Variants in CTNND2 observed in about 807,000 individuals in gnomAD.
CTNND2 encodes the protein catenin delta-2.
Under a neutral mutation model 144.4 loss-of-function variants are expected in CTNND2, and 22 were observed. The ratio of observed to expected loss-of-function variants is 0.15; its 90% confidence interval spans 0.11 to 0.22. The LOEUF is 0.22. Among genes scored for constraint, CTNND2 ranks in the 10% least tolerant of loss-of-function variants. The probability of loss-of-function intolerance (pLI) is 1.00; values close to 1 mark genes in which losing one functional copy is unlikely to be tolerated. For missense variants in CTNND2, 1,353 were observed against 1,618.8 expected (o/e 0.84, Z 2.82); for synonymous variants, 751 against 695.6 (o/e 1.08, Z -1.25).
chr5:11,864,798 C>A (rs113354244), intron 1 of CTNND2, among the ~76,000 whole-genome samples: 2,317 of 151,248 alleles, frequency 0.015, 54 homozygotes, highest in African/African-American at 0.051. Flanking sequence ...CCTCAGGTGG[C>A]AAAACTGTCT....
At chr5:11,383,435 A>T (rs1351558539) in intron 7 of CTNND2, among the ~76,000 whole-genome samples, 3 of 152,146 alleles carry the variant, frequency 2.0e-5, no homozygotes, top group Non-Finnish European at 2.9e-5. Flanking sequence ...AGATTTAGGT[A>T]CTCATACTGG....
At chr5:11,255,086 GT>G (rs553233796) in intron 9 of CTNND2, among the ~76,000 whole-genome samples, 8 of 152,132 alleles carry the variant, frequency 5.3e-5, no homozygotes, top group Non-Finnish European at 1.0e-4. Flanking sequence ...TCATCTATGA[GT>G]TTTTTTCCTA....
intron 2 of CTNND2, among the ~76,000 whole-genome samples, chr5:11,584,417 A>T (rs554670303): frequency 0.02 from 2,610 of 129,158 alleles, 69 homozygotes; most frequent in African/African-American, 0.066. Context: ...ATATATATAT[A>T]TTTTTTTTGG....
At chr5:11,257,230 G>A (rs1744346900) in intron 9 of CTNND2, among the ~76,000 whole-genome samples, 1 of 152,188 alleles carries the variant, frequency 6.6e-6, no homozygotes, top group African/African-American at 2.4e-5. Flanking sequence ...GAAAGAATGG[G>A]AAAGGGTGTG....
chr5:11,685,002 C>T (rs1784579541), intron 2 of CTNND2, among the ~76,000 whole-genome samples: 1 of 152,216 alleles, frequency 6.6e-6, no homozygotes, highest in Admixed American at 6.5e-5. Flanking sequence ...GCTGATGCTT[C>T]ACAGCTTATA....
At chr5:11,644,601 G>T (rs1782250929) in intron 2 of CTNND2, among the ~76,000 whole-genome samples, 1 of 151,070 alleles carries the variant, frequency 6.6e-6, no homozygotes. Context: ...GTGAACCTGG[G>T]AGCCGGAGCT....
At chr5:11,106,115 G>A (rs1397353348) in intron 14 of CTNND2, among the ~76,000 whole-genome samples, 1 of 152,222 alleles carries the variant, frequency 6.6e-6, no homozygotes, top group Non-Finnish European at 1.5e-5. Context: ...AACAGAAACT[G>A]TCACTGACAT....
At chr5:11,213,794 C>T (rs553245042) in intron 10 of CTNND2, among the ~76,000 whole-genome samples, 207 of 151,468 alleles carry the variant, frequency 1.4e-3, no homozygotes, top group Middle Eastern at 3.4e-3. Context: ...CTATGTTACA[C>T]GCATGCCGAT....
intron 2 of CTNND2, among the ~76,000 whole-genome samples, chr5:11,724,564 T>A (rs138551313): frequency 6.6e-6 from 1 of 152,308 alleles, no homozygotes; most frequent in Non-Finnish European, 1.5e-5. Context: ...TCCTCTGTTG[T>A]GGAGGTGGTG....
intron 12 of CTNND2, among the ~76,000 whole-genome samples, chr5:11,150,617 C>CT (rs10602477): frequency 0.018 from 1,280 of 72,060 alleles, 62 homozygotes; most frequent in Middle Eastern, 0.028. Flanking sequence ...CTGCTGCCTT[C>CT]TTTTTTTTTT....
At chr5:11,704,357 C>A (rs959047710) in intron 2 of CTNND2, among the ~76,000 whole-genome samples, 3 of 152,176 alleles carry the variant, frequency 2.0e-5, no homozygotes, top group Non-Finnish European at 4.4e-5. Flanking sequence ...GTAACACATA[C>A]CATTTTTCAC....
intron 8 of CTNND2, 70 bp downstream of exon 8, chr5:11,364,626 T>C: frequency 7.9e-7 from 1 of 1,260,298 alleles, no homozygotes; most frequent in South Asian, 1.6e-5. Context: ...CATTTGGGAG[T>C]GTTATTGAAG....
chr5:11,135,597 T>C (rs1756055801), intron 12 of CTNND2, among the ~76,000 whole-genome samples: 1 of 152,240 alleles, frequency 6.6e-6, no homozygotes. Flanking sequence ...ATTATTTTAA[T>C]TTGAATCACA....
intron 14 of CTNND2, among the ~76,000 whole-genome samples, chr5:11,103,071 T>C (rs1213129238): frequency 7.2e-6 from 1 of 139,112 alleles, no homozygotes; most frequent in Non-Finnish European, 1.5e-5. Flanking sequence ...AACCTCTGCC[T>C]CCTGGGTTGG....
chr5:11,282,085 A>T (rs1284898187), intron 9 of CTNND2, among the ~76,000 whole-genome samples: 1 of 152,086 alleles, frequency 6.6e-6, no homozygotes, highest in African/African-American at 2.4e-5. Context: ...GCATTGGAGA[A>T]TCCACTCTCA....
intron 6 of CTNND2, among the ~76,000 whole-genome samples, chr5:11,389,532 T>TA (rs1293050890): frequency 6.6e-6 from 1 of 152,208 alleles, no homozygotes; most frequent in African/African-American, 2.4e-5. Context: ...GCCTCTTGTG[T>TA]AATTGTAGAT....
chr5:10,996,164 A>G (rs1365300710), intron 18 of CTNND2, among the ~76,000 whole-genome samples: 1 of 152,136 alleles, frequency 6.6e-6, no homozygotes, highest in African/African-American at 2.4e-5. Flanking sequence ...CAGCTGCCCT[A>G]GGGCAGGTGT....
At chr5:11,098,039 T>C (rs1485579585) in intron 15 of CTNND2, among the ~76,000 whole-genome samples, 2 of 152,222 alleles carry the variant, frequency 1.3e-5, no homozygotes, top group Non-Finnish European at 2.9e-5. Flanking sequence ...TAATCTCCTC[T>C]CCAATCATAA....
chr5:11,412,112 A>G (rs775184479), intron 3 of CTNND2, 43 bp from the exon 4 acceptor site: 1 of 1,510,502 alleles, frequency 6.6e-7, no homozygotes, highest in Non-Finnish European at 9.2e-7. Context: ...TTGATTAGAA[A>G]AGAAAAATAA....
Sources: allele counts gnomAD v4.1 joint callset (sites outside exome capture counted in the v4.1 genomes callset), GRCh38; gene constraint gnomAD v4.1.1; transcripts MANE v1.5; gene names NCBI Gene and HGNC (gene_info 2026-07-23, HGNC 2026-07-21).